The following MOB4 variants were observed in gnomAD, a reference collection of about 807,000 sequenced individuals.
MOB4 encodes the protein MOB family member 4, phocein, also known as MOB-like protein phocein.
Under a neutral mutation model 32.2 loss-of-function variants are expected in MOB4, and 4 were observed. The observed-to-expected ratio is 0.12, with a 90% CI of 0.06 to 0.28. The LOEUF (loss-of-function observed/expected upper bound fraction) is 0.28, where lower values mean the gene tolerates loss of function less well. MOB4 is among the 10% of genes least tolerant of loss of function. The pLI is 1.00. For synonymous variants in MOB4, 88 were observed against 88.1 expected (o/e 1.00, Z 0.01); for missense variants, 158 against 271.2 (o/e 0.58, Z 2.93).
At chr2:197,541,493 GT>G (rs1344756604) in intron 5 of MOB4, among the ~76,000 whole-genome samples, 1 of 152,118 alleles carries the variant, frequency 6.6e-6, no homozygotes, top group Non-Finnish European at 1.5e-5. Context: ...AATATCTGAT[GT>G]TTTTTGTTTC....
chr2:197,542,774 A>G (rs1481381086), intron 5 of MOB4, among the ~76,000 whole-genome samples: 1 of 152,142 alleles, frequency 6.6e-6, no homozygotes, highest in East Asian at 1.9e-4. Context: ...ATATTTTGCC[A>G]TTTTTTGCTG....
intron 2 of MOB4, among the ~76,000 whole-genome samples, chr2:197,526,959 T>C (rs2086621303): frequency 6.6e-6 from 1 of 152,162 alleles, no homozygotes; most frequent in Admixed American, 6.5e-5. Context: ...GTTCCTTATT[T>C]TATTTTTCTT....
chr2:197,535,821 G>C lies in MOB4; in HGVS notation c.224+191G>C, dbSNP rs1002102851. Reference sequence around the variant, plus strand: ...TGTTTCCAGGTCAAATTATGCTGCAGAGTCACTCATTTTGAAAGGTGGTTT... The same window carrying C: ...TGTTTCCAGGTCAAATTATGCTGCACAGTCACTCATTTTGAAAGGTGGTTT... On this transcript the variant is annotated intron_variant, in intron 3 of 7. Transcript: ENST00000323303. 2.0e-5 allele frequency among the ~76,000 whole-genome samples: 3 copies of C among 151,950 alleles called. No homozygotes were observed. The East Asian group carries it at 5.8e-4, about 29-fold the overall frequency.
intron 1 of MOB4, among the ~76,000 whole-genome samples, chr2:197,518,425 A>G (rs926446490): frequency 1.3e-5 from 2 of 151,724 alleles, no homozygotes; most frequent in African/African-American, 2.4e-5. Context: ...GCGTGCCACC[A>G]CGCCCAGCTA....
intron 1 of MOB4, among the ~76,000 whole-genome samples, chr2:197,520,171 C>T (rs2086489316): frequency 6.6e-6 from 1 of 151,896 alleles, no homozygotes; most frequent in African/African-American, 2.4e-5. Context: ...CATAAGTATG[C>T]CTTGCACTTA....
At chr2:197,537,933 C>T (rs1444665922) in intron 3 of MOB4, among the ~76,000 whole-genome samples, 2 of 152,110 alleles carry the variant, frequency 1.3e-5, no homozygotes, top group African/African-American at 4.8e-5. Flanking sequence ...GCACACGCCA[C>T]CATGCCCAGC....
At chr2:197,522,553 A>T (rs1194139858) in intron 1 of MOB4, among the ~76,000 whole-genome samples, 1 of 149,392 alleles carries the variant, frequency 6.7e-6, no homozygotes, top group Non-Finnish European at 1.5e-5. Context: ...CTGGTCTCGA[A>T]CTCCTGACCT....
intron 5 of MOB4, among the ~76,000 whole-genome samples, chr2:197,544,143 C>A (rs2086949224): frequency 6.6e-6 from 1 of 152,140 alleles, no homozygotes; most frequent in Non-Finnish European, 1.5e-5. Context: ...CACAATCTTG[C>A]CTCACTGTAG....
In MOB4 at chr2:197,548,323, C is replaced by CT. The variant is rs745437495; in HGVS notation, c.355-10dup. Reference sequence around the variant, plus strand: ...CTCTTTGTTGATGCATTTCTATATTCTTTCTTTTGTAGTGTCCTGCTATAG... The same window carrying CT: ...CTCTTTGTTGATGCATTTCTATATTCTTTTCTTTTGTAGTGTCCTGCTATAG... On this transcript the variant is annotated splice_polypyrimidine_tract_variant and intron_variant, in intron 5 of 7. Transcript: ENST00000323303. The CT allele has an allele frequency of 1.3e-6, 2 of 1,594,440 alleles. No individual in the cohort carries two copies. The highest frequency in any genetic ancestry group is 2.7e-5 in the African/African-American group (2 of 74,322).
chr2:197,519,437 A>T (rs904375051), intron 1 of MOB4, among the ~76,000 whole-genome samples: 1 of 152,214 alleles, frequency 6.6e-6, no homozygotes, highest in Non-Finnish European at 1.5e-5. Context: ...TTCTTAAGTA[A>T]AATGGCATAG....
chr2:197,519,674 T>C (rs1433960852), intron 1 of MOB4, among the ~76,000 whole-genome samples: 2 of 152,196 alleles, frequency 1.3e-5, no homozygotes, highest in Non-Finnish European at 2.9e-5. Context: ...GTATTTTTTT[T>C]CTCCCCTGAA....
intron 3 of MOB4, 87 bp downstream of exon 3, chr2:197,535,717 T>C (rs771545434): frequency 3.4e-6 from 5 of 1,471,820 alleles, no homozygotes; most frequent in Non-Finnish European, 3.7e-6. Context: ...AAATTTACTA[T>C]GTAACTGCAG....
chr2:197,547,171 T>C (rs2087010654), intron 5 of MOB4, among the ~76,000 whole-genome samples: 1 of 151,932 alleles, frequency 6.6e-6, no homozygotes, highest in Admixed American at 6.6e-5. Flanking sequence ...GTTGTGTTCA[T>C]GTCGTTGAGT....
intron 5 of MOB4, among the ~76,000 whole-genome samples, chr2:197,542,030 A>G (rs558846632): frequency 1.3e-5 from 2 of 152,376 alleles, no homozygotes; most frequent in South Asian, 4.1e-4. Context: ...AACGTAGTGA[A>G]TGATGTGATT....
intron 3 of MOB4, 33 bp from the exon 4 acceptor site, chr2:197,540,078 T>TA: frequency 6.3e-7 from 1 of 1,583,442 alleles, no homozygotes; most frequent in Non-Finnish European, 8.6e-7. Flanking sequence ...GAAGAATAGA[T>TA]ATGACTTTTT....
intron 5 of MOB4, among the ~76,000 whole-genome samples, chr2:197,541,823 G>T (rs1318990459): frequency 6.6e-6 from 1 of 151,704 alleles, no homozygotes; most frequent in East Asian, 1.9e-4. Flanking sequence ...GGAGGCTGAG[G>T]CAGGAGAATG....
intron 5 of MOB4, among the ~76,000 whole-genome samples, chr2:197,542,808 T>C (rs1018357709): frequency 1.1e-4 from 17 of 152,146 alleles, no homozygotes; most frequent in Admixed American, 2.6e-4. Flanking sequence ...AGAGTAGGAA[T>C]AGTTACCTGA....
chr2:197,516,397 C>T, intron 1 of MOB4: 3 of 1,399,262 alleles, frequency 2.1e-6, no homozygotes, highest in Non-Finnish European at 2.8e-6. Flanking sequence ...TGGTACCTGC[C>T]TGCCGAAGCC....
Position 197,552,690 on chromosome 2 carries a change from A to G in MOB4, c.*2044A>G, listed in dbSNP as rs1319717186. ...AATTGTGAAGTTGATTCACTACTAT[A>G]CTAGGTAAGACCTAAGTGAAACAGT... On this transcript the variant is annotated 3_prime_UTR_variant, in exon 8 of 8. Transcript: ENST00000323303. 1 of 152,354 alleles carries G rather than the reference A, an allele frequency of 6.6e-6. No homozygotes were observed. Among genetic ancestry groups the G allele is most frequent in the African/African-American group, 2.4e-5 (1 of 41,466 alleles). 9.4% of individuals were successfully genotyped at this position (152,354 alleles called of 1,614,324 possible). A position where few individuals can be genotyped will look rare whatever the true frequency, so the allele number is the denominator to read the frequency against.
Sources: gnomAD v4.1 joint callset for allele counts (sites outside exome capture counted in the v4.1 genomes callset) on GRCh38, gnomAD v4.1.1 for gene constraint, MANE v1.5 for transcripts, NCBI Gene and HGNC (gene_info 2026-07-23, HGNC 2026-07-21) for gene names.